Variants in HACL2 observed in about 807,000 individuals in gnomAD.
HACL2 encodes 2-hydroxyacyl-CoA lyase 1 like.
chr19:15,123,015 G>A, the HACL2 span: 1 of 1,604,186 alleles, frequency 6.2e-7, no homozygotes, highest in Non-Finnish European at 8.5e-7. This position sits in a 1 kb window ranked among gnomAD's most constrained non-coding sequence, Gnocchi z 5.1. Flanking sequence ...TCAACAGCCT[G>A]GAGCGCACCC....
At chr19:15,125,003 G>A in the HACL2 span, 2 of 1,591,368 alleles carry the variant, frequency 1.3e-6, no homozygotes, top group East Asian at 2.3e-5. Flanking sequence ...CGCAGGCCAG[G>A]AGCAGGAAGG....
chr19:15,116,629 G>C, the HACL2 span: 1 of 858,736 alleles, frequency 1.2e-6, no homozygotes, highest in South Asian at 1.6e-5. Context: ...CGAGCAGGCA[G>C]ACGGGAAGCA....
At chr19:15,123,331 C>T in the HACL2 span, 1 of 1,606,654 alleles carries the variant, frequency 6.2e-7, no homozygotes, top group Non-Finnish European at 8.5e-7. The surrounding 1 kb of genome is among the most constrained non-coding windows in gnomAD (Gnocchi z 5.1). Flanking sequence ...GACACTCTAG[C>T]CCACAGTCCA....
chr19:15,117,951 G>A, the HACL2 span: 76 of 1,614,052 alleles, frequency 4.7e-5, no homozygotes, highest in Non-Finnish European at 5.7e-5. Context: ...TACGATTGAC[G>A]ATGATGATCT....
chr19:15,125,043 GC>G, the HACL2 span: 1 of 1,556,016 alleles, frequency 6.4e-7, no homozygotes, highest in Admixed American at 1.9e-5. Flanking sequence ...GGGGGCGGCG[GC>G]CGCGGGGGTC....
the HACL2 span, among the ~76,000 whole-genome samples, chr19:15,118,964 T>G: frequency 6.6e-6 from 1 of 152,210 alleles, no homozygotes; most frequent in African/African-American, 2.4e-5. Context: ...TTTTAGCCAT[T>G]GAGTTTGGGG....
At chr19:15,123,027 G>A in the HACL2 span, 18 of 1,605,172 alleles carry the variant, frequency 1.1e-5, no homozygotes, top group Non-Finnish European at 1.4e-5. This position sits in a 1 kb window ranked among gnomAD's most constrained non-coding sequence, Gnocchi z 5.1. Context: ...AGCGCACCCC[G>A]GTTCTGGCAA....
the HACL2 span, chr19:15,119,399 CA>C: frequency 1.9e-6 from 3 of 1,613,794 alleles, no homozygotes; most frequent in East Asian, 6.7e-5. Flanking sequence ...AAAACAAGGG[CA>C]GGGCTGGCGC....
At chr19:15,119,118 T>C in the HACL2 span, 18 of 1,514,522 alleles carry the variant, frequency 1.2e-5, no homozygotes, top group East Asian at 4.1e-4. Flanking sequence ...GGTAACAGGG[T>C]GAGGGGGTTC....
the HACL2 span, chr19:15,116,651 C>A: frequency 1.4e-6 from 1 of 693,250 alleles, no homozygotes; most frequent in Non-Finnish European, 2.4e-6. Context: ...GCCAGGGGTG[C>A]TCCTAGAAAA....
At chr19:15,119,553 A>G in the HACL2 span, 2 of 1,547,044 alleles carry the variant, frequency 1.3e-6, no homozygotes, top group Admixed American at 1.8e-5. Flanking sequence ...CTGTCTTTTT[A>G]TTTATTTATT....
chr19:15,123,412 C>T, the HACL2 span: 7,152 of 1,614,130 alleles, frequency 4.4e-3, 29 homozygotes, highest in South Asian at 6.5e-3. The surrounding 1 kb of genome is among the most constrained non-coding windows in gnomAD (Gnocchi z 5.1). Flanking sequence ...CAAAGACGGC[C>T]GTGACCTCAT....
At chr19:15,119,264 C>T in the HACL2 span, 1 of 1,610,122 alleles carries the variant, frequency 6.2e-7, no homozygotes, top group Non-Finnish European at 8.5e-7. Context: ...TGCCATCCCT[C>T]CAAGGAAGCA....
the HACL2 span, chr19:15,123,660 G>A: frequency 3.1e-6 from 4 of 1,272,074 alleles, no homozygotes; most frequent in Admixed American, 5.6e-5. The surrounding 1 kb of genome is among the most constrained non-coding windows in gnomAD (Gnocchi z 5.1). Context: ...CCTGCCCCAG[G>A]TAAGGGGGCA....
At chr19:15,116,056 A>G in the HACL2 span, 2 of 1,613,908 alleles carry the variant, frequency 1.2e-6, no homozygotes, top group Non-Finnish European at 1.7e-6. Flanking sequence ...ACCAACTCCC[A>G]GAGTCCCAAA....
the HACL2 span, chr19:15,123,750 T>C: frequency 1.7e-6 from 1 of 604,790 alleles, no homozygotes. The surrounding 1 kb of genome is among the most constrained non-coding windows in gnomAD (Gnocchi z 5.1). Flanking sequence ...AACCAAGGCA[T>C]AACATCTTAT....
At chr19:15,120,255 G>A in the HACL2 span, among the ~76,000 whole-genome samples, 1 of 152,132 alleles carries the variant, frequency 6.6e-6, no homozygotes, top group Non-Finnish European at 1.5e-5. Flanking sequence ...GTCTTCAACT[G>A]CCTGTTTGCC....
the HACL2 span, chr19:15,115,274 CG>C: frequency 2.5e-6 from 4 of 1,614,134 alleles, no homozygotes; most frequent in East Asian, 6.7e-5. Context: ...GGAGCCATCG[CG>C]GAAGTCCGTC....
the HACL2 span, chr19:15,123,549 C>T: frequency 5.0e-6 from 8 of 1,613,990 alleles, no homozygotes; most frequent in East Asian, 4.5e-5. The surrounding 1 kb of genome is among the most constrained non-coding windows in gnomAD (Gnocchi z 5.1). Context: ...ACGTTCTCTC[C>T]GCCATGCCGG....
Sources: gnomAD v4.1 joint callset for allele counts (sites outside exome capture counted in the v4.1 genomes callset) on GRCh38, gnomAD v4.1.1 for gene constraint, Gnocchi (gnomAD v3.1) non-coding constraint, MANE v1.5 for transcripts, NCBI Gene and HGNC (gene_info 2026-07-23, HGNC 2026-07-21) for gene names.